The following RNF180 variants were observed in gnomAD, a reference collection of about 807,000 sequenced individuals.
RNF180 encodes the protein E3 ubiquitin-protein ligase RNF180.
In RNF180, 38 loss-of-function variants were observed where a neutral mutation model predicts 59.2. That is an observed-to-expected ratio of 0.64 (90% CI 0.50 to 0.84). RNF180 has a LOEUF of 0.84. RNF180 is among the 40% of genes least tolerant of loss of function. The pLI, the probability that RNF180 is intolerant of heterozygous loss-of-function variation, is 0.00. For synonymous variants in RNF180, 262 were observed against 240.3 expected, an observed-to-expected ratio of 1.09 and a Z score of -0.84; for missense variants, 705 against 700.9, an observed-to-expected ratio of 1.01 and a Z score of -0.07.
intron 5 of RNF180, among the ~76,000 whole-genome samples, chr5:64,313,748 T>C (rs978164172): frequency 6.6e-6 from 1 of 152,196 alleles, no homozygotes; most frequent in Non-Finnish European, 1.5e-5. Flanking sequence ...CCACAGTAGC[T>C]GAACTTGTTT....
chr5:64,197,861 C>G (rs1013537371), intron 1 of RNF180, among the ~76,000 whole-genome samples: 1 of 152,130 alleles, frequency 6.6e-6, no homozygotes, highest in African/African-American at 2.4e-5. Context: ...ACAAAGATTA[C>G]ATCCTAGAAA....
At chr5:64,336,990 C>CTT (rs746909826) in intron 7 of RNF180, among the ~76,000 whole-genome samples, 5,031 of 137,166 alleles carry the variant, frequency 0.037, 115 homozygotes, top group Non-Finnish European at 0.059. Flanking sequence ...CTTTGATTTT[C>CTT]TTTTTTTGTT....
rs555772932 is a variant in RNF180 at position 64,225,985 on chromosome 5, C to T, written c.1227+8589C>T. Among the ~76,000 whole-genome samples the T allele has an allele frequency of 2.6e-3, 345 of 132,252 alleles. 2 individuals carry two copies. The highest frequency in any genetic ancestry group is 8.1e-3 in the African/African-American group (286 of 35,250). 86.8% of individuals were successfully genotyped at this position (132,252 alleles called of 152,430 possible). A position where few individuals can be genotyped will look rare whatever the true frequency, so the allele number is the denominator to read the frequency against. The stretch of plus-strand genomic sequence containing the variant: ...GAAGTGAGGAGCGCCTCTGCCCGGC[C>T]GCCCCTTCTGGGAAGTGAGGAGCGC... On this transcript the variant is annotated intron_variant, in intron 5 of 7. Coordinates refer to ENST00000389100, the MANE Select transcript of RNF180 (RefSeq NM_001113561.2).
intron 5 of RNF180, among the ~76,000 whole-genome samples, chr5:64,246,463 T>C (rs1050586106): frequency 3.9e-5 from 6 of 152,044 alleles, no homozygotes; most frequent in Non-Finnish European, 8.8e-5. Context: ...CAAACTACTA[T>C]CAGAGAATAC....
At chr5:64,252,082 C>T (rs560881188) in intron 5 of RNF180, among the ~76,000 whole-genome samples, 1 of 152,146 alleles carries the variant, frequency 6.6e-6, no homozygotes, top group Admixed American at 6.5e-5. Context: ...CCCAAACAAC[C>T]AAAACAATCT....
intron 5 of RNF180, among the ~76,000 whole-genome samples, chr5:64,301,469 G>T (rs756829791): frequency 6.6e-6 from 1 of 151,676 alleles, no homozygotes. Context: ...TTTATTTTAT[G>T]AAATGACAGA....
intron 7 of RNF180, among the ~76,000 whole-genome samples, chr5:64,355,310 G>A (rs557907910): frequency 2.6e-5 from 4 of 151,800 alleles, no homozygotes; most frequent in Non-Finnish European, 4.4e-5. Context: ...AAAGCAATTC[G>A]ATTTACAATA....
At chr5:64,347,055 T>C (rs1237593022) in intron 7 of RNF180, among the ~76,000 whole-genome samples, 1 of 152,226 alleles carries the variant, frequency 6.6e-6, no homozygotes, top group Non-Finnish European at 1.5e-5. Context: ...AACTCTGGCA[T>C]ATAATGATAC....
At chr5:64,342,855 C>T (rs955562137) in intron 7 of RNF180, among the ~76,000 whole-genome samples, 2 of 152,108 alleles carry the variant, frequency 1.3e-5, no homozygotes, top group African/African-American at 4.8e-5. Flanking sequence ...GAGATAAAGT[C>T]CCATTAAAGA....
intron 5 of RNF180, among the ~76,000 whole-genome samples, chr5:64,262,452 T>G (rs974617216): frequency 5.9e-5 from 9 of 152,124 alleles, no homozygotes; most frequent in African/African-American, 2.2e-4. Flanking sequence ...CACCACTCTT[T>G]GAATCTAAGG....
intron 5 of RNF180, among the ~76,000 whole-genome samples, chr5:64,287,962 A>G (rs1474935605): frequency 2.0e-5 from 3 of 152,192 alleles, no homozygotes; most frequent in East Asian, 3.8e-4. Context: ...CATTTTCATC[A>G]TGAAATCTTT....
In RNF180 at chr5:64,274,953, T is replaced by C. The variant is rs75877703; in HGVS notation, c.1228-50233T>C. 1.9e-3 allele frequency among the ~76,000 whole-genome samples: 294 copies of C among 152,120 alleles called. 7 individuals are homozygous for C. In the East Asian group the frequency reaches 0.045, roughly 23 times the overall value. On this transcript the variant is annotated intron_variant, in intron 5 of 7. Transcript: ENST00000389100. ...GAATTTGTGGGCTATATAAAAACTT[T>C]TCTAGTTGTTTCTTAAAATATATGG... is the stretch of plus-strand genomic sequence containing the variant.
chr5:64,234,104 T>C (rs1461700799), intron 5 of RNF180, among the ~76,000 whole-genome samples: 1 of 152,252 alleles, frequency 6.6e-6, no homozygotes, highest in African/African-American at 2.4e-5. Flanking sequence ...TGGTTTCTTC[T>C]GTGTGTTTAC....
chr5:64,366,266 T>C (rs1195176217), intron 7 of RNF180, among the ~76,000 whole-genome samples: 1 of 151,522 alleles, frequency 6.6e-6, no homozygotes, highest in Non-Finnish European at 1.5e-5. Context: ...GTTGAATTTC[T>C]TTTAAGAATG....
chr5:64,237,566 G>C (rs1294935724), intron 5 of RNF180, among the ~76,000 whole-genome samples: 10 of 152,112 alleles, frequency 6.6e-5, no homozygotes, highest in Non-Finnish European at 2.9e-5. Flanking sequence ...TTGGGGGATG[G>C]CTGGGAAGGC....
chr5:64,333,449 G>T (rs1264527921), intron 7 of RNF180, among the ~76,000 whole-genome samples: 1 of 151,166 alleles, frequency 6.6e-6, no homozygotes, highest in Non-Finnish European at 1.5e-5. Flanking sequence ...GGGATTATAG[G>T]CATGAGCCAC....
chr5:64,208,401 T>C (rs1186979742), intron 2 of RNF180, among the ~76,000 whole-genome samples: 3 of 152,068 alleles, frequency 2.0e-5, no homozygotes, highest in Non-Finnish European at 4.4e-5. Context: ...CTTGTTGTGC[T>C]AATACTTTGA....
At chr5:64,224,062 G>GGTCT (rs1741516003) in intron 5 of RNF180, among the ~76,000 whole-genome samples, 1 of 141,348 alleles carries the variant, frequency 7.1e-6, no homozygotes, top group East Asian at 2.1e-4. Context: ...TCTAGGTTGG[G>GGTCT]GTGTGTGTGT....
intron 1 of RNF180, among the ~76,000 whole-genome samples, chr5:64,176,851 C>G (rs555142544): frequency 6.6e-6 from 1 of 152,178 alleles, no homozygotes; most frequent in African/African-American, 2.4e-5. Context: ...CTAGCCTATT[C>G]AGAAACCTGT....
Sources: gnomAD v4.1 joint callset for allele counts (sites outside exome capture counted in the v4.1 genomes callset) on GRCh38, gnomAD v4.1.1 for gene constraint, MANE v1.5 for transcripts, NCBI Gene and HGNC (gene_info 2026-07-23, HGNC 2026-07-21) for gene names.